The following TNFAIP8 variants were observed in gnomAD, a reference collection of about 807,000 sequenced individuals.
TNFAIP8 encodes tumor necrosis factor alpha-induced protein 8.
TNFAIP8 carries 7 observed loss-of-function variants against 13.3 expected under a neutral mutation model. The observed-to-expected ratio is 0.52, with a 90% CI of 0.30 to 0.99. The LOEUF is 0.99. Among genes scored for constraint, TNFAIP8 ranks in the 50% least tolerant of loss-of-function variants. The pLI, the probability that TNFAIP8 is intolerant of heterozygous loss-of-function variation, is 0.07. For synonymous variants in TNFAIP8, 94 were observed against 87.6 expected (o/e 1.07, Z -0.41); for missense variants, 258 against 236.9 (o/e 1.09, Z -0.58).
intron 1 of TNFAIP8, among the ~76,000 whole-genome samples, chr5:119,281,014 A>G (rs528082713): frequency 3.9e-5 from 6 of 152,062 alleles, no homozygotes; most frequent in Non-Finnish European, 7.4e-5. Flanking sequence ...TCTTTGACCA[A>G]TGGGAGCCTC....
At chr5:119,367,898 C>T (rs1044998351) in intron 1 of TNFAIP8, among the ~76,000 whole-genome samples, 3 of 152,068 alleles carry the variant, frequency 2.0e-5, no homozygotes. Flanking sequence ...AAATTTATTT[C>T]ATGATGCTGG....
At chr5:119,272,687 C>T (rs776629684) in intron 1 of TNFAIP8, among the ~76,000 whole-genome samples, 1 of 152,194 alleles carries the variant, frequency 6.6e-6, no homozygotes, top group Non-Finnish European at 1.5e-5. Flanking sequence ...ATACCCAGCC[C>T]ATCCTTTTAG....
At chr5:119,315,190 C>T (rs1026569374) in intron 1 of TNFAIP8, among the ~76,000 whole-genome samples, 3 of 152,242 alleles carry the variant, frequency 2.0e-5, no homozygotes, top group African/African-American at 7.2e-5. Context: ...TCTCACCATT[C>T]TCCTGCTTCA....
intron 1 of TNFAIP8, among the ~76,000 whole-genome samples, chr5:119,279,346 A>T (rs113931047): frequency 1.3e-5 from 2 of 152,058 alleles, no homozygotes; most frequent in Non-Finnish European, 2.9e-5. Flanking sequence ...TGCCTCTCCA[A>T]CCAGTCTGGT....
rs1386380873 is a variant in TNFAIP8 at position 119,395,762 on chromosome 5, G to A, written c.*2381G>A. 1 of 152,182 alleles carries A rather than the reference G, an allele frequency of 6.6e-6. No individual in the cohort carries two copies. Among genetic ancestry groups the A allele is most frequent in the Non-Finnish European group, 1.5e-5 (1 of 68,032 alleles). 9.4% of individuals were successfully genotyped at this position (152,182 alleles called of 1,614,324 possible). A position where few individuals can be genotyped will look rare whatever the true frequency, so the allele number is the denominator to read the frequency against. ...AATAGGACTCCCCTTGAGCATTTAG[G>A]GTGGCAAGGAGCGTGGGAGCTGGGA... On this transcript the variant is annotated 3_prime_UTR_variant, in exon 2 of 2. Coordinates refer to ENST00000504771, the MANE Select transcript of TNFAIP8 (RefSeq NM_014350.4).
intron 1 of TNFAIP8, among the ~76,000 whole-genome samples, chr5:119,341,406 T>TA (rs1206968192): frequency 6.8e-6 from 1 of 147,412 alleles, no homozygotes; most frequent in Non-Finnish European, 1.5e-5. Context: ...GAAGTTCAGT[T>TA]AAAAAACTTA....
At chr5:119,344,551 C>G (rs763218786) in intron 1 of TNFAIP8, among the ~76,000 whole-genome samples, 1 of 152,220 alleles carries the variant, frequency 6.6e-6, no homozygotes, top group Non-Finnish European at 1.5e-5. Flanking sequence ...GGTGCAAGGA[C>G]TGAGGCAGCC....
chr5:119,366,014 G>T (rs1751839474), intron 1 of TNFAIP8, among the ~76,000 whole-genome samples: 1 of 152,058 alleles, frequency 6.6e-6, no homozygotes, highest in Non-Finnish European at 1.5e-5. Context: ...AGACATAGCA[G>T]TTGGGAGCGA....
intron 1 of TNFAIP8, among the ~76,000 whole-genome samples, chr5:119,270,475 T>C (rs1185696635): frequency 6.6e-6 from 1 of 152,152 alleles, no homozygotes; most frequent in Non-Finnish European, 1.5e-5. Flanking sequence ...TTGTCCAAGG[T>C]GGTCTTGAAC....
chr5:119,325,947 C>T (rs1390423946), intron 1 of TNFAIP8, among the ~76,000 whole-genome samples: 1 of 152,244 alleles, frequency 6.6e-6, no homozygotes. Context: ...TGGTCTCCGT[C>T]AGAACCTCCT....
At position 119,366,148 on chromosome 5, in the gene TNFAIP8, G is replaced by GAAA. The variant is rs111331324; in HGVS notation, c.31+10038_31+10040dup. ...AGGAGTAAGGAAATAACTCTAAAAT[G>GAAA]AAAAAAAAAAAAAGTAATATGTGCA... On this transcript the variant is annotated intron_variant, in intron 1 of 1. Transcript: ENST00000504771. Among the ~76,000 whole-genome samples the GAAA allele has an allele frequency of 4.5e-3, 609 of 136,644 alleles. 8 individuals carry two copies. Among genetic ancestry groups the GAAA allele is most frequent in the South Asian group, 0.043 (188 of 4,344 alleles). 89.6% of individuals were successfully genotyped at this position (136,644 alleles called of 152,430 possible).
chr5:119,368,375 TA>T (rs765256111), intron 1 of TNFAIP8, among the ~76,000 whole-genome samples: 67 of 143,724 alleles, frequency 4.7e-4, no homozygotes, highest in Middle Eastern at 3.6e-3. Flanking sequence ...TCCTGTCTGT[TA>T]AAAAAAAAAA....
chr5:119,392,981 A>C lies in TNFAIP8; in HGVS notation c.197A>C (p.Lys66Thr). 2 of 1,612,818 alleles carry C rather than the reference A, an allele frequency of 1.2e-6. No homozygotes were observed. The highest frequency in any genetic ancestry group is 1.7e-6 in the Non-Finnish European group (2 of 1,179,322). Residue 66 changes from lysine (K) to threonine (T), a missense_variant, in exon 2 of 2, where the codon AAG (lysine) becomes ACG (threonine). By Grantham distance (78) the Lys-to-Thr change is moderately conservative (BLOSUM62 -1). Transcript: ENST00000504771. ...ACCAGGGAGTACACCCAAAACAAGA[A>C]GGAGGCAGAGAAGATCATCAAGAAC... is the stretch of plus-strand genomic sequence containing the variant. ...RVTREYTQNK[K>T]EAEKIIKNLI...
intron 1 of TNFAIP8, among the ~76,000 whole-genome samples, chr5:119,269,919 A>G (rs183336451): frequency 6.6e-6 from 1 of 152,322 alleles, no homozygotes; most frequent in Non-Finnish European, 1.5e-5. Context: ...CATCTATAAA[A>G]TGATTGCCTG....
intron 1 of TNFAIP8, among the ~76,000 whole-genome samples, chr5:119,366,816 A>G (rs918061485): frequency 6.6e-6 from 1 of 152,212 alleles, no homozygotes; most frequent in Non-Finnish European, 1.5e-5. Flanking sequence ...ACTTGGCCAT[A>G]GCTCTGACTT....
chr5:119,287,602 AC>A (rs1243476568), intron 1 of TNFAIP8, among the ~76,000 whole-genome samples: 2 of 151,686 alleles, frequency 1.3e-5, no homozygotes, highest in Non-Finnish European at 2.9e-5. Context: ...CCCATTCCCC[AC>A]CCTCCAAACC....
chr5:119,372,345 C>T, intron 1 of TNFAIP8, among the ~76,000 whole-genome samples: 1 of 143,488 alleles, frequency 7.0e-6, no homozygotes, highest in African/African-American at 2.5e-5. Flanking sequence ...AAAAAGAATA[C>T]TAGAAATCAC....
chr5:119,386,504 A>C (rs757673057), intron 1 of TNFAIP8, among the ~76,000 whole-genome samples: 2 of 146,606 alleles, frequency 1.4e-5, no homozygotes, highest in African/African-American at 5.1e-5. Flanking sequence ...TACTCCCGTC[A>C]AAAGAACCCA....
chr5:119,388,630 T>TTTTTTC (rs1554183420), intron 1 of TNFAIP8, among the ~76,000 whole-genome samples: 3 of 150,596 alleles, frequency 2.0e-5, no homozygotes, highest in Non-Finnish European at 4.4e-5. Context: ...AGCATCTTTT[T>TTTTTTC]TTTTCTTTTC....
Sources: allele counts gnomAD v4.1 joint callset (sites outside exome capture counted in the v4.1 genomes callset), GRCh38; gene constraint gnomAD v4.1.1; transcripts MANE v1.5; gene names NCBI Gene and HGNC (gene_info 2026-07-23, HGNC 2026-07-21).